The following EXOSC7 variants were observed in gnomAD, a reference collection of about 807,000 sequenced individuals.
EXOSC7 encodes the protein exosome complex component RRP42.
In EXOSC7, 25 loss-of-function variants were observed where a neutral mutation model predicts 34.3. The observed-to-expected ratio is 0.73, with a 90% CI of 0.53 to 1.02. EXOSC7 has a LOEUF of 1.02. EXOSC7 is among the 50% of genes least tolerant of loss of function. The probability of loss-of-function intolerance (pLI) is 0.00; values close to 1 mark genes in which losing one functional copy is unlikely to be tolerated. For synonymous variants in EXOSC7, 130 were observed against 143.0 expected, an observed-to-expected ratio of 0.91 and a Z score of 0.65; for missense variants, 370 against 368.5, an observed-to-expected ratio of 1.00 and a Z score of -0.03.
chr3:45,009,910 T>C (rs972241171), intron 7 of EXOSC7, among the ~76,000 whole-genome samples: 5 of 152,202 alleles, frequency 3.3e-5, no homozygotes, highest in African/African-American at 1.2e-4. Context: ...CTTCCCAGCC[T>C]TTTAGATCGA....
At chr3:44,991,343 G>C (rs1706567690) in intron 3 of EXOSC7, among the ~76,000 whole-genome samples, 1 of 152,170 alleles carries the variant, frequency 6.6e-6, no homozygotes, top group Non-Finnish European at 1.5e-5. Flanking sequence ...GGATGATGGT[G>C]ACCTTGTTCA....
At position 45,011,391 on chromosome 3, in the gene EXOSC7, C is replaced by T. The variant is rs1393310050; in HGVS notation, c.*52C>T. The T allele has an allele frequency of 5.2e-6, 6 of 1,162,590 alleles. No individual in the cohort carries two copies. Among genetic ancestry groups the T allele is most frequent in the Non-Finnish European group, 7.5e-6 (6 of 794,824 alleles). 72.0% of individuals were successfully genotyped at this position (1,162,590 alleles called of 1,614,324 possible). ...ATTGTTTTTTACTTTTCCTTTTAAA[C>T]CGGTTCGTATATATTTTTCTTCGCT... On this transcript the variant is annotated 3_prime_UTR_variant, in exon 8 of 8. Coordinates refer to ENST00000265564, the MANE Select transcript of EXOSC7 (RefSeq NM_015004.4).
chr3:44,987,944 T>C (rs886900383), intron 1 of EXOSC7, among the ~76,000 whole-genome samples: 4 of 152,218 alleles, frequency 2.6e-5, no homozygotes, highest in African/African-American at 7.2e-5. Context: ...TTAATAGATA[T>C]GTAGATAGAT....
chr3:45,011,034 A>T (rs1707195759), intron 7 of EXOSC7, among the ~76,000 whole-genome samples: 1 of 152,032 alleles, frequency 6.6e-6, no homozygotes, highest in East Asian at 1.9e-4. Context: ...TTTTTTTGAT[A>T]TGACGATTTT....
chr3:45,010,307 G>T (rs535696548), intron 7 of EXOSC7, among the ~76,000 whole-genome samples: 1 of 152,144 alleles, frequency 6.6e-6, no homozygotes, highest in Non-Finnish European at 1.5e-5. Context: ...GAGTACAGTG[G>T]CACAGTCACA....
chr3:44,991,912 G>T (rs1576010929), intron 3 of EXOSC7, among the ~76,000 whole-genome samples: 2 of 152,228 alleles, frequency 1.3e-5, no homozygotes, highest in South Asian at 4.1e-4. Context: ...TCTTTAAGTG[G>T]CTCAGCTAAT....
chr3:45,003,328 TGC>T (rs1458401990), intron 5 of EXOSC7, among the ~76,000 whole-genome samples: 1 of 41,556 alleles, frequency 2.4e-5, no homozygotes, highest in Non-Finnish European at 8.2e-5. Flanking sequence ...GGAGATACTG[TGC>T]GTGCGTGCGT....
chr3:45,000,238 G>A (rs932969860), intron 4 of EXOSC7, among the ~76,000 whole-genome samples: 4 of 152,222 alleles, frequency 2.6e-5, no homozygotes, highest in African/African-American at 4.8e-5. Context: ...TCACAAGCCT[G>A]TCTTTTGATG....
intron 1 of EXOSC7, among the ~76,000 whole-genome samples, chr3:44,980,633 AG>A (rs1340844951): frequency 2.0e-5 from 3 of 152,210 alleles, no homozygotes; most frequent in Non-Finnish European, 1.5e-5. Flanking sequence ...CCAGAGATCA[AG>A]GCAGGAGAGA....
intron 5 of EXOSC7, chr3:45,005,059 A>G (rs1488179659): frequency 1.2e-5 from 6 of 482,002 alleles, no homozygotes; most frequent in Non-Finnish European, 2.2e-5. Context: ...TTTTTTTTCC[A>G]TTGGGATATC....
rs539472514 is a variant in EXOSC7 at position 45,000,419 on chromosome 3, A to G, written c.421-1119A>G. 4.6e-5 allele frequency among the ~76,000 whole-genome samples: 7 copies of G among 152,326 alleles called. No individual in the cohort carries two copies. The South Asian group carries it at 1.2e-3, about 27-fold the overall frequency. Reference sequence around the variant, plus strand: ...ACAGAACTACATGACTTTTCTTTCTATGTGTGACTTCTCACCTTTCTTATT... The same window carrying G: ...ACAGAACTACATGACTTTTCTTTCTGTGTGTGACTTCTCACCTTTCTTATT... On this transcript the variant is annotated intron_variant, in intron 4 of 7. Coordinates refer to ENST00000265564, the MANE Select transcript of EXOSC7 (RefSeq NM_015004.4).
intron 3 of EXOSC7, among the ~76,000 whole-genome samples, chr3:44,991,977 T>C (rs960343795): frequency 6.6e-6 from 1 of 152,194 alleles, no homozygotes; most frequent in African/African-American, 2.4e-5. Flanking sequence ...CCCCATTTCC[T>C]ACAGAGATGG....
chr3:44,989,363 C>A (rs1706507539), intron 2 of EXOSC7, 122 bp downstream of exon 2: 3 of 891,772 alleles, frequency 3.4e-6, no homozygotes, highest in Non-Finnish European at 5.3e-6. Flanking sequence ...AAGATCCGAG[C>A]CAAACTCAGG....
chr3:44,982,463 A>G (rs1245195860), intron 1 of EXOSC7, among the ~76,000 whole-genome samples: 1 of 152,188 alleles, frequency 6.6e-6, no homozygotes, highest in African/African-American at 2.4e-5. Flanking sequence ...AGACCTGGCC[A>G]TGGCAATTGA....
chr3:44,987,464 T>C (rs1706452548), intron 1 of EXOSC7, among the ~76,000 whole-genome samples: 1 of 152,194 alleles, frequency 6.6e-6, no homozygotes, highest in Non-Finnish European at 1.5e-5. Context: ...TCCAGCTACT[T>C]CAGAGGCTGA....
Position 45,011,224 on chromosome 3 carries a change from C to G in EXOSC7, c.772-11C>G, listed in dbSNP as rs1056856529. 10 of 1,589,802 alleles carry G rather than the reference C, an allele frequency of 6.3e-6. No homozygotes were observed. In the African/African-American group the frequency reaches 1.3e-4, roughly 21 times the overall value. On this transcript the variant is annotated splice_polypyrimidine_tract_variant and intron_variant, in intron 7 of 7. Transcript: ENST00000265564. ...AGGGGGTGTGTGCTCTCTCCCGTCC[C>G]TTCTCCACAGACTGGCAAGCGTGTG...
intron 1 of EXOSC7, among the ~76,000 whole-genome samples, chr3:44,986,927 A>G (rs1219828870): frequency 2.0e-5 from 3 of 152,114 alleles, no homozygotes; most frequent in Non-Finnish European, 4.4e-5. Context: ...GCAGTGTTTT[A>G]TTTTATTTTT....
intron 3 of EXOSC7, among the ~76,000 whole-genome samples, chr3:44,993,990 ATAAAC>A (rs1465428278): frequency 2.0e-5 from 3 of 152,350 alleles, no homozygotes; most frequent in Non-Finnish European, 4.4e-5. Flanking sequence ...ATGTTAGACT[ATAAAC>A]CAAGCTTGCC....
At position 45,007,410 on chromosome 3, in the gene EXOSC7, GC is replaced by G; in HGVS notation, c.616-8del. ...TGACCCACCGTGTGCCACGCACCCT[GC>G]CTTTGCAGATTGGCTATCGGCATGT... is the stretch of plus-strand genomic sequence containing the variant. On this transcript the variant is annotated splice_polypyrimidine_tract_variant and intron_variant, in intron 6 of 7. Transcript: ENST00000265564. 1 of 1,613,926 alleles carries G rather than the reference GC, an allele frequency of 6.2e-7. No individual in the cohort carries two copies. Among genetic ancestry groups the G allele is most frequent in the East Asian group, 2.2e-5 (1 of 44,866 alleles).
Sources: allele counts gnomAD v4.1 joint callset (sites outside exome capture counted in the v4.1 genomes callset), GRCh38; gene constraint gnomAD v4.1.1; transcripts MANE v1.5; gene names NCBI Gene and HGNC (gene_info 2026-07-23, HGNC 2026-07-21).